Variants in ADAMTS18 observed in about 807,000 individuals in gnomAD.
ADAMTS18 encodes ADAM metallopeptidase with thrombospondin type 1 motif 18, also known as A disintegrin and metalloproteinase with thrombospondin motifs 18.
A neutral mutation model predicts 165.9 loss-of-function variants in ADAMTS18; 157 were observed. The ratio of observed to expected loss-of-function variants is 0.95; its 90% CI spans 0.83 to 1.08. The LOEUF is 1.08. ADAMTS18 is among the 50% of genes least tolerant of loss of function. The probability of loss-of-function intolerance (pLI) is 0.00; values close to 1 mark genes in which losing one functional copy is unlikely to be tolerated. For missense variants in ADAMTS18, 2,040 were observed against 1,534.0 expected, an observed-to-expected ratio of 1.33 and a Z score of -5.51; for synonymous variants, 782 against 578.2, an observed-to-expected ratio of 1.35 and a Z score of -5.06.
intron 3 of ADAMTS18, among the ~76,000 whole-genome samples, chr16:77,411,739 T>C (rs112496937): frequency 0.014 from 1,880 of 134,794 alleles, 57 homozygotes; most frequent in African/African-American, 0.05. Context: ...TGGGCTGGAG[T>C]GCAGTGGCGC....
chr16:77,406,101 C>T (rs1434036490), intron 3 of ADAMTS18, among the ~76,000 whole-genome samples: 2 of 152,050 alleles, frequency 1.3e-5, no homozygotes, highest in South Asian at 2.1e-4. Context: ...TTCTCACAAA[C>T]ATACAGATGT....
intron 3 of ADAMTS18, among the ~76,000 whole-genome samples, chr16:77,372,752 T>G (rs936051868): frequency 3.9e-5 from 6 of 152,264 alleles, no homozygotes; most frequent in African/African-American, 1.4e-4. Context: ...AAGCCCACCC[T>G]TCCAGATCTA....
At chr16:77,356,985 A>ATTTTTTTTTTTTTTTTTTTTTTTTTTT (rs4038549) in intron 8 of ADAMTS18, among the ~76,000 whole-genome samples, 1 of 140,540 alleles carries the variant, frequency 7.1e-6, no homozygotes, top group Non-Finnish European at 1.5e-5. Flanking sequence ...CTTTTCTGAA[A>ATTTTTTTTTTTTTTTTTTTTTTTTTTT]TTTTTTTTTT....
chr16:77,308,897 G>T (rs957692924), intron 16 of ADAMTS18, among the ~76,000 whole-genome samples: 1 of 152,098 alleles, frequency 6.6e-6, no homozygotes, highest in East Asian at 1.9e-4. Context: ...TAGATATTCA[G>T]GAGTGGAGAA....
chr16:77,284,915 A>C (rs572732906), intron 22 of ADAMTS18, among the ~76,000 whole-genome samples: 1 of 152,132 alleles, frequency 6.6e-6, no homozygotes, highest in Non-Finnish European at 1.5e-5. Flanking sequence ...TTTGCCTGCA[A>C]ATGGGTTGAG....
At chr16:77,314,634 T>TG in intron 16 of ADAMTS18, among the ~76,000 whole-genome samples, 1 of 115,218 alleles carries the variant, frequency 8.7e-6, no homozygotes, top group Non-Finnish European at 1.8e-5. Flanking sequence ...AATGTGTGTG[T>TG]ATGTGTGTGT....
chr16:77,350,213 G>A (rs748557137), intron 10 of ADAMTS18, among the ~76,000 whole-genome samples: 10 of 152,076 alleles, frequency 6.6e-5, no homozygotes, highest in Middle Eastern at 3.2e-3. Context: ...AGAAAGATTC[G>A]TAACTCATTT....
At chr16:77,293,890 G>C (rs888244788) in intron 19 of ADAMTS18, among the ~76,000 whole-genome samples, 1 of 151,540 alleles carries the variant, frequency 6.6e-6, no homozygotes, top group South Asian at 2.1e-4. Flanking sequence ...CTCCTGCTGG[G>C]CAGCCCAGTT....
At chr16:77,289,661 ACT>A (rs1405750574) in intron 21 of ADAMTS18, among the ~76,000 whole-genome samples, 2 of 152,146 alleles carry the variant, frequency 1.3e-5, no homozygotes, top group Admixed American at 1.3e-4. Flanking sequence ...CAGTTAAGTG[ACT>A]CACTCATAAA....
intron 13 of ADAMTS18, among the ~76,000 whole-genome samples, chr16:77,325,176 A>G (rs999302937): frequency 1.3e-5 from 2 of 152,178 alleles, no homozygotes; most frequent in African/African-American, 4.8e-5. Context: ...ACCCTGTTTC[A>G]AGACAGCGTA....
At chr16:77,373,095 C>G (rs966291720) in intron 3 of ADAMTS18, among the ~76,000 whole-genome samples, 4 of 152,144 alleles carry the variant, frequency 2.6e-5, no homozygotes, top group African/African-American at 9.7e-5. Context: ...CTTTCCCCTA[C>G]AGTCTTCTCC....
intron 12 of ADAMTS18, among the ~76,000 whole-genome samples, chr16:77,334,938 T>C (rs1260135849): frequency 1.4e-5 from 2 of 140,468 alleles, no homozygotes; most frequent in African/African-American, 5.2e-5. Flanking sequence ...ATATACTGTA[T>C]TTTATAGTAT....
intron 3 of ADAMTS18, among the ~76,000 whole-genome samples, chr16:77,385,244 T>C (rs1383119691): frequency 1.3e-5 from 2 of 152,324 alleles, no homozygotes; most frequent in East Asian, 3.9e-4. Flanking sequence ...TAGTATCCCT[T>C]GTCATCGAAA....
In ADAMTS18 at chr16:77,320,038, C is replaced by T. The variant is rs756245578; in HGVS notation, c.2343G>A (p.Glu781=). 3 of 1,614,074 alleles carry T rather than the reference C, an allele frequency of 1.9e-6. No individual in the cohort carries two copies. Among genetic ancestry groups the T allele is most frequent in the Non-Finnish European group, 2.5e-6 (3 of 1,179,992 alleles). The change falls in exon 16 of 23, where the codon GAG becomes GAA. Residue 781 remains glutamate (E), a synonymous_variant. Transcript: ENST00000282849. The part of the protein sequence containing the change: ...PAGARSIEIQ[E]LQVSSSYLAV... ...CGAGGTAACTGGAGGAAACCTGCAG[C>T]TCCTGGATTTCGATGCTTCGGGCGC...
chr16:77,282,615 A>G lies in ADAMTS18; in HGVS notation c.*1341T>C, dbSNP rs2144537801. ...AAGTAAAATTGGGTTACATTCATCA[A>G]AGAAGTTGAGGAATAAAGTAGAATT... On this transcript the variant is annotated 3_prime_UTR_variant, in exon 23 of 23. Coordinates refer to ENST00000282849, the MANE Select transcript of ADAMTS18 (RefSeq NM_199355.4). 2 of 152,756 alleles carry G rather than the reference A, an allele frequency of 1.3e-5. No homozygotes were observed. The highest frequency in any genetic ancestry group is 6.8e-3 in the Middle Eastern group (2 of 294). 9.5% of individuals were successfully genotyped at this position (152,756 alleles called of 1,614,324 possible). A position where few individuals can be genotyped will look rare whatever the true frequency, so the allele number is the denominator to read the frequency against.
intron 3 of ADAMTS18, among the ~76,000 whole-genome samples, chr16:77,380,961 C>A (rs113427594): frequency 0.04 from 6,023 of 152,272 alleles, 358 homozygotes; most frequent in African/African-American, 0.13. Context: ...GCAACCTCCA[C>A]TTCCTGGGTT....
chr16:77,381,524 C>A (rs1231556586), intron 3 of ADAMTS18, among the ~76,000 whole-genome samples: 2 of 152,066 alleles, frequency 1.3e-5, no homozygotes, highest in Admixed American at 6.6e-5. Context: ...AGAGAGTCGG[C>A]TGGGTGGGGT....
rs762909628 is a variant in ADAMTS18 at position 77,362,250 on chromosome 16, G to C, written c.1071C>G (p.Ile357Met). ...LLEQEPGGLL[I>M]NHHADQSLNS... is the part of the protein sequence containing the mutation. ...TCAGAGACTGGTCTGCATGATGGTT[G>C]ATCAATAATCCTCCCTATGGGAAAC... The change falls in exon 7 of 23, where the codon ATC becomes ATG. Residue 357 changes from isoleucine to methionine, a missense_variant. Ile to Met is a conservative substitution (Grantham distance 10). Coordinates refer to ENST00000282849, the MANE Select transcript of ADAMTS18 (RefSeq NM_199355.4). 9.9e-6 allele frequency: 16 copies of C among 1,614,012 alleles called. No homozygotes were observed. Among genetic ancestry groups the C allele is most frequent in the Admixed American group, 6.7e-5 (4 of 60,006 alleles).
At chr16:77,339,910 A>C (rs966742312) in intron 11 of ADAMTS18, among the ~76,000 whole-genome samples, 16 of 152,304 alleles carry the variant, frequency 1.1e-4, no homozygotes, top group African/African-American at 3.8e-4. Flanking sequence ...AAATATCAGA[A>C]ATCTGTGCCT....
Sources: allele counts gnomAD v4.1 joint callset (sites outside exome capture counted in the v4.1 genomes callset), GRCh38; gene constraint gnomAD v4.1.1; transcripts MANE v1.5; gene names NCBI Gene and HGNC (gene_info 2026-07-23, HGNC 2026-07-21).